The following CYP4F3 variants were observed in gnomAD, a reference collection of about 807,000 sequenced individuals.
CYP4F3 encodes cytochrome P450 4F3.
Under a neutral mutation model 54.8 loss-of-function variants are expected in CYP4F3, and 50 were observed. The observed-to-expected ratio is 0.91, with a 90% CI of 0.73 to 1.16. The LOEUF (loss-of-function observed/expected upper bound fraction) is 1.16, where lower values mean the gene tolerates loss of function less well. Ranked by LOEUF, CYP4F3 falls within the 50% of genes most tolerant of loss-of-function variation. The probability of loss-of-function intolerance (pLI) is 0.00; values close to 1 mark genes in which losing one functional copy is unlikely to be tolerated. For missense variants in CYP4F3, 715 were observed against 676.2 expected (o/e 1.06, Z -0.64); for synonymous variants, 244 against 262.6 (o/e 0.93, Z 0.69).
Position 15,658,727 on chromosome 19 carries a change from G to A in CYP4F3, c.1315G>A (p.Val439Ile), listed in dbSNP as rs764723234. Residue 439 changes from valine to isoleucine, a missense_variant and splice_region_variant, in exon 12 of 13, where the codon GTC (valine) becomes ATC (isoleucine). Coordinates refer to ENST00000221307, the MANE Select transcript of CYP4F3 (RefSeq NM_000896.3). The stretch of plus-strand genomic sequence containing the variant: ...CAACCCTTCTTGGTCTCGCCTCCAG[G>A]TCTATGACCCCTTTCGCTTTGACCC... The part of the protein sequence containing the change: ...HNPAVWPDPE[V>I]YDPFRFDPKN... The A allele has an allele frequency of 6.2e-7, 1 of 1,614,082 alleles. No homozygotes were observed. Among genetic ancestry groups the A allele is most frequent in the Admixed American group, 1.7e-5 (1 of 60,016 alleles).
intron 2 of CYP4F3, among the ~76,000 whole-genome samples, chr19:15,643,314 TTAGA>T (rs61194289): frequency 0.25 from 31,621 of 124,398 alleles, 3,738 homozygotes; most frequent in Middle Eastern, 0.34. Flanking sequence ...GATAGATAGA[TTAGA>T]TAGATAGATA....
At chr19:15,653,746 GAGAGAGAGA>G in intron 9 of CYP4F3, among the ~76,000 whole-genome samples, 1 of 33,750 alleles carries the variant, frequency 3.0e-5, no homozygotes, top group African/African-American at 1.8e-4. Flanking sequence ...GAGAGAGAGA[GAGAGAGAGA>G]GAGAGAGAGA....
chr19:15,644,799 C>T (rs1972576300), intron 2 of CYP4F3, among the ~76,000 whole-genome samples: 1 of 152,192 alleles, frequency 6.6e-6, no homozygotes, highest in Admixed American at 6.5e-5. Context: ...TTGGACAGGC[C>T]AGGCTGAGCA....
chr19:15,657,708 A>G (rs777165593), intron 9 of CYP4F3, among the ~76,000 whole-genome samples: 1 of 152,020 alleles, frequency 6.6e-6, no homozygotes, highest in Non-Finnish European at 1.5e-5. Context: ...TCTTCTTTTG[A>G]TGGACATTTA....
rs1972807105 is a variant in CYP4F3, at chr19:15,650,780, T to TTTCTTTCTTTCTTTCTTTCTTTC, written c.918+617_918+618insTTCTTCTTTCTTTCTTTCTTTCT. Among the ~76,000 whole-genome samples, 2 of 36,842 alleles carry TTTCTTTCTTTCTTTCTTTCTTTC rather than the reference T, an allele frequency of 5.4e-5. 1 individual carries two copies. The highest frequency in any genetic ancestry group is 3.8e-4 in the African/African-American group (2 of 5,314). The allele number at this position is 36,842 out of a possible 152,430, so 24.2% of individuals were successfully genotyped here. On this transcript the variant is annotated intron_variant, in intron 7 of 12. Transcript: ENST00000221307. ...TTCTTTCTTTCTTTTTCTTTCGTTC[T>TTTCTTTCTTTCTTTCTTTCTTTC]TTCTTTCTTTCTTTCTTTCTCTCTC...
Position 15,649,179 on chromosome 19 carries a change from C to T in CYP4F3, c.545C>T (p.Ala182Val). Residue 182 changes from alanine to valine, a missense_variant, in exon 6 of 13, where the codon GCC becomes GTC. Transcript: ENST00000221307. Reference protein sequence around the residue: ...NIMHAKWQLLASEGSARLDMF... With the variant: ...NIMHAKWQLLVSEGSARLDMF... ...GGCTAGGCCAAGTGGCAGCTCCTGG[C>T]CTCAGAGGGTAGTGCCCGTCTGGAC... is the stretch of plus-strand genomic sequence containing the variant. 1 of 1,613,408 alleles carries T rather than the reference C, an allele frequency of 6.2e-7. No individual in the cohort carries two copies. The highest frequency in any genetic ancestry group is 8.5e-7 in the Non-Finnish European group (1 of 1,179,522).
At chr19:15,658,607 G>T (rs751255915) in intron 11 of CYP4F3, 52 bp downstream of exon 11, 11 of 1,612,024 alleles carry the variant, frequency 6.8e-6, no homozygotes, top group Non-Finnish European at 8.5e-6. Flanking sequence ...CTAGAGGAGG[G>T]GGCAGGGTTT....
chr19:15,650,408 T>C, intron 7 of CYP4F3: 1 of 831,140 alleles, frequency 1.2e-6, no homozygotes, highest in Admixed American at 2.7e-5. Context: ...ACTCTATTTA[T>C]AAGTTAATAA....
chr19:15,649,826 G>C (rs973809218), intron 6 of CYP4F3, 87 bp from the exon 7 acceptor site: 157 of 1,558,052 alleles, frequency 1.0e-4, no homozygotes, highest in Non-Finnish European at 1.3e-4. Context: ...TTACTGATAG[G>C]AGGTAGCTCC....
At chr19:15,652,765 G>C (rs1193045549) in intron 8 of CYP4F3, 58 bp from the exon 9 acceptor site, 3 of 1,600,922 alleles carry the variant, frequency 1.9e-6, no homozygotes, top group Middle Eastern at 1.7e-4. Flanking sequence ...CAAGGTTGCT[G>C]TACACCCTCG....
intron 6 of CYP4F3, among the ~76,000 whole-genome samples, chr19:15,649,656 G>C (rs1599890844): frequency 6.6e-6 from 1 of 152,064 alleles, no homozygotes; most frequent in Non-Finnish European, 1.5e-5. Flanking sequence ...AGGGAGAGAG[G>C]GAATAGGAGC....
intron 9 of CYP4F3, 74 bp downstream of exon 9, chr19:15,653,026 G>A: frequency 6.6e-7 from 1 of 1,519,406 alleles, no homozygotes; most frequent in Non-Finnish European, 8.8e-7. Context: ...GAGGGGAGAA[G>A]GGGTTGTTTT....
chr19:15,650,674 TTC>T (rs1491058546), intron 7 of CYP4F3, among the ~76,000 whole-genome samples: 1 of 54,208 alleles, frequency 1.8e-5, no homozygotes, highest in Admixed American at 2.0e-4. Context: ...CTTTCTTTCT[TTC>T]TTTCTTTCTT....
intron 6 of CYP4F3, 101 bp from the exon 7 acceptor site, chr19:15,649,812 C>T: frequency 6.6e-7 from 1 of 1,525,210 alleles, no homozygotes; most frequent in South Asian, 1.2e-5. Context: ...CCTGGATACC[C>T]CGTTTACTGA....
chr19:15,657,979 T>C (rs1278304228), intron 9 of CYP4F3, among the ~76,000 whole-genome samples: 1 of 151,690 alleles, frequency 6.6e-6, no homozygotes, highest in East Asian at 1.9e-4. Context: ...GTAAAATCCA[T>C]CAACTTCCCA....
chr19:15,643,911 C>A, intron 2 of CYP4F3: 2 of 1,574,668 alleles, frequency 1.3e-6, no homozygotes, highest in Non-Finnish European at 1.7e-6. Context: ...TTGCAGGTCA[C>A]CCCCACGGAG....
Position 15,650,184 on chromosome 19 carries a change from G to GT in CYP4F3, c.918+2dup, listed in dbSNP as rs777033327. 1.9e-6 allele frequency: 3 copies of GT among 1,614,080 alleles called. No individual in the cohort carries two copies. The African/African-American group carries it at 4.0e-5, about 22-fold the overall frequency. ...CATTGATGTACTCCTGCTGAGCAAG[G>GT]TGGGCCTCTCTGGGATCTGAATTCA... On this transcript the variant is annotated splice_donor_variant, in intron 7 of 12. Transcript: ENST00000221307. LOFTEE classifies it high-confidence loss of function.
At chr19:15,650,682 T>C (rs540923694) in intron 7 of CYP4F3, among the ~76,000 whole-genome samples, 10 of 68,186 alleles carry the variant, frequency 1.5e-4, no homozygotes, top group Admixed American at 8.3e-4. Flanking sequence ...CTTTCTTTCT[T>C]TCTTTCTTTC....
chr19:15,656,861 A>G (rs543405766), intron 9 of CYP4F3, among the ~76,000 whole-genome samples: 2 of 152,102 alleles, frequency 1.3e-5, no homozygotes, highest in South Asian at 2.1e-4. Context: ...TTACATGTAC[A>G]TATGTATATA....
Sources: allele counts gnomAD v4.1 joint callset (sites outside exome capture counted in the v4.1 genomes callset), GRCh38; gene constraint gnomAD v4.1.1; transcripts MANE v1.5; gene names NCBI Gene and HGNC (gene_info 2026-07-23, HGNC 2026-07-21).